The following ARMH1 variants were observed in gnomAD, a reference collection of about 807,000 sequenced individuals.
ARMH1 encodes armadillo like helical domain containing 1.
A neutral mutation model predicts 50.2 loss-of-function variants in ARMH1; 34 were observed. The observed-to-expected ratio is 0.68, with a 90% confidence interval of 0.51 to 0.90. The LOEUF (loss-of-function observed/expected upper bound fraction) is 0.90, where lower values mean the gene tolerates loss of function less well. Among genes scored for constraint, ARMH1 ranks in the 40% least tolerant of loss-of-function variants. ARMH1 has a pLI of 0.00. For missense variants in ARMH1, 538 were observed against 553.9 expected, an observed-to-expected ratio of 0.97 and a Z score of 0.29; for synonymous variants, 221 against 224.2, an observed-to-expected ratio of 0.99 and a Z score of 0.13.
At chr1:44,685,624 C>CT (rs1029524472) in intron 1 of ARMH1, among the ~76,000 whole-genome samples, 18 of 145,052 alleles carry the variant, frequency 1.2e-4, no homozygotes, top group African/African-American at 3.5e-4. Context: ...TAGCTTATTT[C>CT]TTTTTTTTTC....
At chr1:44,684,711 T>G (rs1080838) in intron 1 of ARMH1, 2 of 152,222 alleles carry the variant, frequency 1.3e-5, no homozygotes, top group African/African-American at 2.4e-5. Context: ...AGCACTTGCC[T>G]GCACTCCAGA....
intron 6 of ARMH1, among the ~76,000 whole-genome samples, chr1:44,722,448 T>C (rs1647430730): frequency 6.6e-6 from 1 of 152,134 alleles, no homozygotes; most frequent in African/African-American, 2.4e-5. Context: ...ATGCCTGTAA[T>C]CCCAGCACTT....
intron 1 of ARMH1, among the ~76,000 whole-genome samples, chr1:44,678,143 G>A (rs1013948922): frequency 1.3e-5 from 2 of 152,134 alleles, no homozygotes; most frequent in South Asian, 4.1e-4. Flanking sequence ...GAAATGGGTC[G>A]AGGAAGATGA....
At position 44,689,797 on chromosome 1, in the gene ARMH1, A is replaced by G. The variant is rs1029317604; in HGVS notation, c.100A>G (p.Lys34Glu). The G allele has an allele frequency of 2.6e-6, 4 of 1,551,862 alleles. No homozygotes were observed. In the Admixed American group the frequency reaches 7.8e-5, roughly 30 times the overall value. Residue 34 changes from lysine (K) to glutamate (E), a missense_variant, in exon 2 of 12, where the codon AAG (lysine) becomes GAG (glutamate). Coordinates refer to ENST00000535358, the MANE Select transcript of ARMH1 (RefSeq NM_001145636.2). ...GKVARSHILD[K>E]FIETNQGKTA... The stretch of plus-strand genomic sequence containing the variant: ...AGTCGCAAGGAGTCACATCCTCGAC[A>G]AGTTCATTGAAACCAACCAAGGCAA...
At chr1:44,722,587 T>C (rs948949885) in intron 6 of ARMH1, among the ~76,000 whole-genome samples, 1 of 148,824 alleles carries the variant, frequency 6.7e-6, no homozygotes, top group Non-Finnish European at 1.5e-5. Context: ...CTCTACTAAA[T>C]ACAAAAATCA....
At chr1:44,702,636 C>T (rs1459458312) in intron 5 of ARMH1, among the ~76,000 whole-genome samples, 1 of 143,272 alleles carries the variant, frequency 7.0e-6, no homozygotes, top group African/African-American at 2.7e-5. Flanking sequence ...TGCTTGAATC[C>T]AGGAGGCGGA....
chr1:44,723,988 C>T, intron 6 of ARMH1, 134 bp from the exon 7 acceptor site: 1 of 1,175,056 alleles, frequency 8.5e-7, no homozygotes, highest in Non-Finnish European at 1.1e-6. Context: ...TTCCCAGCTC[C>T]CCCACGCCCT....
chr1:44,717,752 G>T (rs1646913616), intron 6 of ARMH1, among the ~76,000 whole-genome samples: 1 of 152,232 alleles, frequency 6.6e-6, no homozygotes, highest in Non-Finnish European at 1.5e-5. Flanking sequence ...TCAGCTTTAG[G>T]ACATTTGGGT....
rs1263692478 is a variant in ARMH1, at chr1:44,687,861, G to A, written c.-22-1815G>A. Among the ~76,000 whole-genome samples the A allele has an allele frequency of 3.9e-5, 6 of 152,306 alleles. No individual in the cohort carries two copies. The East Asian group carries it at 1.2e-3, about 29-fold the overall frequency. ...CTGAGGTCCAAGGAAACATTGAGGA[G>A]CCGTAATGTGCCCTGCTTAGAGGTC... On this transcript the variant is annotated intron_variant, in intron 1 of 11. Transcript: ENST00000535358.
chr1:44,693,632 T>C (rs528572655), intron 2 of ARMH1, among the ~76,000 whole-genome samples: 8 of 152,296 alleles, frequency 5.3e-5, no homozygotes, highest in Non-Finnish European at 1.0e-4. Flanking sequence ...ATTATGTTTT[T>C]GTAGAGACAG....
At chr1:44,707,950 C>G (rs1455710408) in intron 6 of ARMH1, among the ~76,000 whole-genome samples, 1 of 152,198 alleles carries the variant, frequency 6.6e-6, no homozygotes, top group Admixed American at 6.5e-5. Context: ...AGACTCATAA[C>G]AGGTGCGCAC....
intron 4 of ARMH1, 61 bp from the exon 5 acceptor site, chr1:44,700,861 CT>C: frequency 7.2e-7 from 1 of 1,395,238 alleles, no homozygotes; most frequent in Non-Finnish European, 9.6e-7. Context: ...ATTATATAAT[CT>C]TGAGTGGGGA....
At chr1:44,677,600 G>A (rs899658315) in intron 1 of ARMH1, among the ~76,000 whole-genome samples, 1 of 152,212 alleles carries the variant, frequency 6.6e-6, no homozygotes, top group Non-Finnish European at 1.5e-5. Flanking sequence ...AGTTTCCGGT[G>A]ATGACAAGGT....
intron 6 of ARMH1, among the ~76,000 whole-genome samples, chr1:44,706,489 G>A (rs895607011): frequency 2.0e-5 from 3 of 152,142 alleles, no homozygotes; most frequent in Non-Finnish European, 4.4e-5. Flanking sequence ...CCGGGGAGGA[G>A]AGCATAAGGA....
chr1:44,702,865 GAAT>G (rs1336115872), intron 5 of ARMH1, among the ~76,000 whole-genome samples: 3 of 152,152 alleles, frequency 2.0e-5, no homozygotes, highest in Admixed American at 1.3e-4. Context: ...AGTAAGGGTA[GAAT>G]AGAAAGATAG....
intron 6 of ARMH1, among the ~76,000 whole-genome samples, chr1:44,715,870 T>G (rs1646828348): frequency 6.6e-6 from 1 of 152,216 alleles, no homozygotes; most frequent in Non-Finnish European, 1.5e-5. Flanking sequence ...GCCACATCTG[T>G]TTCATTTACT....
chr1:44,703,365 C>G (rs1326713835), intron 5 of ARMH1, among the ~76,000 whole-genome samples: 2 of 152,108 alleles, frequency 1.3e-5, no homozygotes, highest in Admixed American at 6.6e-5. Context: ...TCTCCCCATT[C>G]ACCCAGGCAC....
Position 44,724,342 on chromosome 1 carries a change from C to T in ARMH1, c.870C>T (p.Thr290=). The change falls in exon 8 of 12, where the codon ACC becomes ACT. Residue 290 remains threonine (T), a synonymous_variant. Transcript: ENST00000535358. This position sits in a 1 kb window ranked among gnomAD's most constrained non-coding sequence, Gnocchi z 6.4. ...CAGACCCCTCGGTTCTCCAGCTCAC[C>T]CCCAGCCTGCCGATGTTTTTGCAGC... The part of the protein sequence containing the change: ...ILSDPSVLQL[T]PSLPMFLQQA... 2 of 1,551,530 alleles carry T rather than the reference C, an allele frequency of 1.3e-6. No homozygotes were observed. The highest frequency in any genetic ancestry group is 2.7e-5 in the African/African-American group (2 of 73,178).
chr1:44,724,669 G>T lies in ARMH1; in HGVS notation c.1050+1G>T, dbSNP rs1647986072. 4 of 1,490,540 alleles carry T rather than the reference G, an allele frequency of 2.7e-6. No homozygotes were observed. The highest frequency in any genetic ancestry group is 2.3e-5 in the Admixed American group (1 of 42,730). 92.3% of individuals were successfully genotyped at this position (1,490,540 alleles called of 1,614,324 possible). A position where few individuals can be genotyped will look rare whatever the true frequency, so the allele number is the denominator to read the frequency against. On this transcript the variant is annotated splice_donor_variant, in intron 9 of 11. Transcript: ENST00000535358. LOFTEE classifies it high-confidence loss of function. The surrounding 1 kb of genome is among the most constrained non-coding windows in gnomAD (Gnocchi z 6.4). Reference sequence around the variant, plus strand: ...GCGGCTGGCCAGCCTCACGCTGGAGGTGCGCGCGGCGGCTGGTTAGGGGGC... The same window carrying T: ...GCGGCTGGCCAGCCTCACGCTGGAGTTGCGCGCGGCGGCTGGTTAGGGGGC...
Sources: gnomAD v4.1 joint callset for allele counts (sites outside exome capture counted in the v4.1 genomes callset) on GRCh38, gnomAD v4.1.1 for gene constraint, Gnocchi (gnomAD v3.1) non-coding constraint, MANE v1.5 for transcripts, NCBI Gene and HGNC (gene_info 2026-07-23, HGNC 2026-07-21) for gene names.